Variants in GNB4 observed in about 807,000 individuals in gnomAD.
GNB4 encodes guanine nucleotide-binding protein subunit beta-4.
In GNB4, 28 loss-of-function variants were observed where a neutral mutation model predicts 45.2. The observed-to-expected ratio is 0.62, with a 90% CI of 0.46 to 0.85. GNB4 has a LOEUF of 0.85. Among genes scored for constraint, GNB4 ranks in the 40% least tolerant of loss-of-function variants. The probability of loss-of-function intolerance (pLI) is 0.00; values close to 1 mark genes in which losing one functional copy is unlikely to be tolerated. For synonymous variants in GNB4, 132 were observed against 143.7 expected, an observed-to-expected ratio of 0.92 and a Z score of 0.58; for missense variants, 321 against 425.4, an observed-to-expected ratio of 0.75 and a Z score of 2.16.
At chr3:179,423,078 AC>A (rs751110774) in intron 2 of GNB4, among the ~76,000 whole-genome samples, 2 of 152,226 alleles carry the variant, frequency 1.3e-5, no homozygotes, top group Non-Finnish European at 2.9e-5. Flanking sequence ...GGTGTGAGCC[AC>A]CGTGCCCAGC....
the GNB4 span, among the ~76,000 whole-genome samples, chr3:179,478,638 G>T: frequency 2.0e-5 from 3 of 152,192 alleles, no homozygotes; most frequent in South Asian, 6.2e-4. Flanking sequence ...TCAACCTCCT[G>T]AACTCAAGCA....
intron 2 of GNB4, among the ~76,000 whole-genome samples, chr3:179,423,097 A>AT (rs1430286248): frequency 6.6e-6 from 1 of 152,058 alleles, no homozygotes; most frequent in Non-Finnish European, 1.5e-5. Flanking sequence ...AGCCAGAAAG[A>AT]TTTTTAAATA....
chr3:179,413,196 AC>A (rs1393125542), intron 8 of GNB4, among the ~76,000 whole-genome samples: 5 of 151,976 alleles, frequency 3.3e-5, no homozygotes, highest in Admixed American at 6.6e-5. Context: ...AAAAATAACA[AC>A]AAAAAAAAAT....
the GNB4 span, among the ~76,000 whole-genome samples, chr3:179,518,455 C>T: frequency 2.0e-5 from 3 of 152,026 alleles, no homozygotes; most frequent in South Asian, 2.1e-4. Flanking sequence ...GTCGCTGAGT[C>T]TTTCTTCTTT....
At chr3:179,420,540 G>C (rs2108596947) in intron 3 of GNB4, among the ~76,000 whole-genome samples, 1 of 151,238 alleles carries the variant, frequency 6.6e-6, no homozygotes, top group African/African-American at 2.4e-5. Context: ...TCAGCTCACT[G>C]CAACCTCTGC....
At chr3:179,487,309 T>C in the GNB4 span, among the ~76,000 whole-genome samples, 2 of 152,234 alleles carry the variant, frequency 1.3e-5, no homozygotes, top group Non-Finnish European at 2.9e-5. Flanking sequence ...CTTATTTTGT[T>C]AGAGAAATCT....
chr3:179,469,893 C>T, the GNB4 span, among the ~76,000 whole-genome samples: 7 of 152,318 alleles, frequency 4.6e-5, no homozygotes, highest in African/African-American at 1.4e-4. Flanking sequence ...ATCTTCTCTG[C>T]CTTCCTTATA....
At chr3:179,491,693 T>A in the GNB4 span, among the ~76,000 whole-genome samples, 4 of 152,138 alleles carry the variant, frequency 2.6e-5, no homozygotes, top group Non-Finnish European at 2.9e-5. Context: ...CCCAGACATG[T>A]TTCAAGCTGC....
At chr3:179,474,507 A>G in the GNB4 span, among the ~76,000 whole-genome samples, 1 of 152,202 alleles carries the variant, frequency 6.6e-6, no homozygotes, top group Non-Finnish European at 1.5e-5. Flanking sequence ...TACAGGCAAG[A>G]GCCACTGCAC....
chr3:179,513,223 G>A, the GNB4 span, among the ~76,000 whole-genome samples: 4 of 94,834 alleles, frequency 4.2e-5, no homozygotes, highest in South Asian at 6.5e-4. Flanking sequence ...ACAGGTTCTT[G>A]TTCTGTCACC....
the GNB4 span, among the ~76,000 whole-genome samples, chr3:179,504,870 G>A: frequency 6.6e-6 from 1 of 152,290 alleles, no homozygotes; most frequent in East Asian, 1.9e-4. Context: ...GCTCTGGGGT[G>A]TAGAGCCAGA....
the GNB4 span, among the ~76,000 whole-genome samples, chr3:179,505,184 G>C: frequency 1.3e-5 from 2 of 152,310 alleles, no homozygotes; most frequent in South Asian, 4.1e-4. Context: ...TCAGTAAACA[G>C]AGCAACTGGA....
rs543154748 is a variant in GNB4, at chr3:179,414,654, G to A, written c.430+231C>T. 5.5e-4 allele frequency among the ~76,000 whole-genome samples: 84 copies of A among 152,286 alleles called. 1 individual carries two copies. Among genetic ancestry groups the A allele is most frequent in the Middle Eastern group, 3.4e-3 (1 of 294 alleles). ...TTTTCATGAGTTTGAATTTTGTGCAGTAAATTTATCATTTTTTACAAAAAC... is the reference window on the plus strand; with the variant it reads ...TTTTCATGAGTTTGAATTTTGTGCAATAAATTTATCATTTTTTACAAAAAC... On this transcript the variant is annotated intron_variant, in intron 6 of 9. Transcript: ENST00000232564.
intron 3 of GNB4, 30 bp from the exon 4 acceptor site, chr3:179,419,535 T>C (rs766384044): frequency 9.2e-6 from 12 of 1,302,852 alleles, no homozygotes; most frequent in Non-Finnish European, 1.3e-5. Context: ...TGTTATTCTT[T>C]ACCTTAATCA....
the GNB4 span, among the ~76,000 whole-genome samples, chr3:179,502,151 T>C: frequency 2.0e-5 from 3 of 152,072 alleles, no homozygotes; most frequent in Admixed American, 2.0e-4. Flanking sequence ...AACCTTCTTT[T>C]ATCATGAAGT....
rs1714281369 is a variant in GNB4 at position 179,401,051 on chromosome 3, A to G, written c.*162T>C. The G allele has an allele frequency of 7.6e-6, 4 of 524,590 alleles. No homozygotes were observed. Among genetic ancestry groups the G allele is most frequent in the Non-Finnish European group, 1.4e-5 (4 of 295,286 alleles). The allele number at this position is 524,590 out of a possible 1,614,324, so 32.5% of individuals were successfully genotyped here. A position where few individuals can be genotyped will look rare whatever the true frequency, so the allele number is the denominator to read the frequency against. On this transcript the variant is annotated 3_prime_UTR_variant, in exon 10 of 10. Transcript: ENST00000232564. ...AAGGCGCCTTTGCCTTTTTTCCTCC[A>G]CCCCCACTTTTTTTTTGGTAGTTTA...
chr3:179,516,137 T>C, the GNB4 span, among the ~76,000 whole-genome samples: 4 of 152,206 alleles, frequency 2.6e-5, no homozygotes, highest in African/African-American at 9.6e-5. Context: ...GAGAGTCCTC[T>C]TTTTTAAGTT....
the GNB4 span, among the ~76,000 whole-genome samples, chr3:179,507,107 G>A: frequency 6.6e-6 from 1 of 152,166 alleles, no homozygotes; most frequent in Non-Finnish European, 1.5e-5. Flanking sequence ...CATCTGCCAA[G>A]TCTTATTAGT....
the GNB4 span, among the ~76,000 whole-genome samples, chr3:179,470,901 C>T: frequency 7.2e-5 from 11 of 152,042 alleles, no homozygotes; most frequent in Non-Finnish European, 1.2e-4. Flanking sequence ...TACAGTAGGC[C>T]GGGCGCCGTG....
Sources: gnomAD v4.1 joint callset for allele counts (sites outside exome capture counted in the v4.1 genomes callset) on GRCh38, gnomAD v4.1.1 for gene constraint, MANE v1.5 for transcripts, NCBI Gene and HGNC (gene_info 2026-07-23, HGNC 2026-07-21) for gene names.